The following SYCP2L variants were observed in gnomAD, a reference collection of about 807,000 sequenced individuals.
The protein encoded by SYCP2L is synaptonemal complex protein 2-like.
A neutral mutation model predicts 125.8 loss-of-function variants in SYCP2L; 98 were observed. The observed-to-expected ratio is 0.78, with a 90% CI of 0.66 to 0.92. The LOEUF is 0.92. Ranked by LOEUF, SYCP2L falls within the 40% of genes least tolerant of loss-of-function variation. The pLI is 0.00. For missense variants in SYCP2L, 842 were observed against 936.4 expected, an observed-to-expected ratio of 0.90 and a Z score of 1.32; for synonymous variants, 317 against 325.4, an observed-to-expected ratio of 0.97 and a Z score of 0.28.
rs989258602 is a variant in SYCP2L, at chr6:10,942,338, G to A, written c.1814-121G>A. ...CGAAAGACACAGTCAGTAGATTTTT[G>A]TTTCACTTAGAACTGTGTTCCTTTT... On this transcript the variant is annotated intron_variant, in intron 21 of 29. Transcript: ENST00000283141. 5 of 649,282 alleles carry A rather than the reference G, an allele frequency of 7.7e-6. No individual in the cohort carries two copies. The Admixed American group carries it at 1.5e-4, about 19-fold the overall frequency. The allele number at this position is 649,282 out of a possible 1,614,324, so 40.2% of individuals were successfully genotyped here. A position where few individuals can be genotyped will look rare whatever the true frequency, so the allele number is the denominator to read the frequency against.
intron 14 of SYCP2L, among the ~76,000 whole-genome samples, chr6:10,917,802 T>A (rs539261333): frequency 6.6e-6 from 1 of 152,324 alleles, no homozygotes. Context: ...GATTCAAGAT[T>A]TAGAGCTCCT....
At chr6:10,932,894 C>T (rs1389614182) in intron 20 of SYCP2L, among the ~76,000 whole-genome samples, 1 of 152,172 alleles carries the variant, frequency 6.6e-6, no homozygotes, top group Non-Finnish European at 1.5e-5. Context: ...GCTGGGATTA[C>T]AGGCGTCTGC....
At chr6:10,919,253 G>A (rs1780747353) in intron 14 of SYCP2L, among the ~76,000 whole-genome samples, 1 of 152,144 alleles carries the variant, frequency 6.6e-6, no homozygotes, top group Non-Finnish European at 1.5e-5. Flanking sequence ...AGATTCTTTT[G>A]TCCCATGGGG....
chr6:10,899,960 A>G (rs1780349658), intron 6 of SYCP2L, among the ~76,000 whole-genome samples: 1 of 152,246 alleles, frequency 6.6e-6, no homozygotes, highest in East Asian at 1.9e-4. Flanking sequence ...GCTTTGTATT[A>G]ATCCCAACAA....
At chr6:10,945,901 G>A (rs938230554) in intron 23 of SYCP2L, among the ~76,000 whole-genome samples, 1 of 151,572 alleles carries the variant, frequency 6.6e-6, no homozygotes, top group Non-Finnish European at 1.5e-5. Flanking sequence ...ATCTAGTCAT[G>A]TTTTTGTCTT....
chr6:10,924,751 G>T, intron 15 of SYCP2L, 110 bp downstream of exon 15: 1 of 1,086,518 alleles, frequency 9.2e-7, no homozygotes, highest in Non-Finnish European at 1.2e-6. Flanking sequence ...CAGAAAACCT[G>T]GTCTTTCAAA....
chr6:10,942,585 C>A (rs1781243588), intron 22 of SYCP2L, 56 bp downstream of exon 22: 1 of 1,572,396 alleles, frequency 6.4e-7, no homozygotes, highest in African/African-American at 1.4e-5. Flanking sequence ...ATCATATTTG[C>A]ATAACACATT....
At chr6:10,911,302 T>C (rs574698195) in intron 12 of SYCP2L, among the ~76,000 whole-genome samples, 226 of 152,286 alleles carry the variant, frequency 1.5e-3, no homozygotes, top group Admixed American at 2.6e-3. Flanking sequence ...TTGCACTTTA[T>C]AGTCCAAGGT....
Position 10,935,042 on chromosome 6 carries a change from A to G in SYCP2L, c.1684-16A>G. 3 of 1,570,904 alleles carry G rather than the reference A, an allele frequency of 1.9e-6. No homozygotes were observed. The highest frequency in any genetic ancestry group is 2.6e-6 in the Non-Finnish European group (3 of 1,163,470). On this transcript the variant is annotated splice_polypyrimidine_tract_variant and intron_variant, in intron 20 of 29. Transcript: ENST00000283141. Reference sequence around the variant, plus strand: ...AATTATGAATGTTAACACTTAAAAAAGATACTATATTTTAGGCTAAGCTTC... The same window carrying G: ...AATTATGAATGTTAACACTTAAAAAGGATACTATATTTTAGGCTAAGCTTC...
chr6:10,973,182 G>A (rs1173121717), intron 29 of SYCP2L, among the ~76,000 whole-genome samples: 1 of 152,182 alleles, frequency 6.6e-6, no homozygotes, highest in East Asian at 1.9e-4. Flanking sequence ...TGGGATGGGA[G>A]AATCTGTTCC....
chr6:10,956,127 G>C lies in SYCP2L; in HGVS notation c.2057-9G>C, dbSNP rs1343759223. 6.2e-7 allele frequency: 1 copy of C among 1,608,032 alleles called. No homozygotes were observed. The highest frequency in any genetic ancestry group is 1.1e-5 in the South Asian group (1 of 90,802). The stretch of plus-strand genomic sequence containing the variant: ...TAGTTTTATTCCATGTTTTGTTTTT[G>C]TTTTCCAGAAGGAATTTCCACTTCA... On this transcript the variant is annotated splice_polypyrimidine_tract_variant and intron_variant, in intron 24 of 29. Coordinates refer to ENST00000283141, the MANE Select transcript of SYCP2L (RefSeq NM_001040274.3).
At chr6:10,949,550 A>G (rs1003871357) in intron 23 of SYCP2L, among the ~76,000 whole-genome samples, 16 of 152,144 alleles carry the variant, frequency 1.1e-4, no homozygotes, top group African/African-American at 3.4e-4. Context: ...TCCAAATTTC[A>G]TAAGTGTTCT....
intron 14 of SYCP2L, among the ~76,000 whole-genome samples, chr6:10,923,294 T>C (rs1225759): frequency 0.18 from 27,222 of 151,998 alleles, 2,614 homozygotes; most frequent in Middle Eastern, 0.3. Context: ...TAAGCCATTT[T>C]CTCTTGTAAG....
intron 23 of SYCP2L, among the ~76,000 whole-genome samples, chr6:10,950,909 C>G (rs1781399424): frequency 6.6e-6 from 1 of 152,134 alleles, no homozygotes; most frequent in African/African-American, 2.4e-5. Flanking sequence ...AATCTGTCAC[C>G]TCAGCCTCCC....
At chr6:10,924,669 T>G (rs763690156) in intron 15 of SYCP2L, 28 bp downstream of exon 15, 2 of 1,489,428 alleles carry the variant, frequency 1.3e-6, no homozygotes, top group South Asian at 1.4e-5. Context: ...TTTGGATTAT[T>G]TAAAAATGTT....
intron 15 of SYCP2L, among the ~76,000 whole-genome samples, chr6:10,925,928 T>C (rs933905036): frequency 2.6e-5 from 4 of 152,276 alleles, no homozygotes; most frequent in Middle Eastern, 3.4e-3. Context: ...GTGATAAAGC[T>C]GTAGTTCCTA....
rs777419781 is a variant in SYCP2L at position 10,927,323 on chromosome 6, C to G, written c.1396C>G (p.Gln466Glu). Reference sequence around the variant, plus strand: ...CCTAATAACTCTCCACTTAAATGACCAATCTGAGCCACCTGTTATTGGGGA... The same window carrying G: ...CCTAATAACTCTCCACTTAAATGACGAATCTGAGCCACCTGTTATTGGGGA... ...RCLITLHLND[Q>E]SEPPVIGEPA... The change falls in exon 17 of 30, where the codon CAA becomes GAA. Residue 466 changes from glutamine (Q) to glutamate (E), a missense_variant. Transcript: ENST00000283141. 5.6e-6 allele frequency: 9 copies of G among 1,614,064 alleles called. No individual in the cohort carries two copies. In the South Asian group the frequency reaches 9.9e-5, roughly 18 times the overall value.
Position 10,902,892 on chromosome 6 carries a change from C to T in SYCP2L, c.570C>T (p.Asn190=), listed in dbSNP as rs757695405. 7.4e-6 allele frequency: 12 copies of T among 1,614,072 alleles called. No individual in the cohort carries two copies. Among genetic ancestry groups the T allele is most frequent in the Admixed American group, 1.7e-5 (1 of 60,006 alleles). Residue 190 remains asparagine (N), a synonymous_variant, in exon 8 of 30, where the codon AAC becomes AAT. Transcript: ENST00000283141. The part of the protein sequence containing the change: ...LLQQEGLKTF[N]CILHAVPREE... ...CCAAAAAGGGCTTGAAGACTTTTAA[C>T]TGCATTTTGCACGCTGTCCCTCGAG...
intron 4 of SYCP2L, among the ~76,000 whole-genome samples, chr6:10,895,860 T>C (rs1001630342): frequency 9.2e-5 from 14 of 151,546 alleles, no homozygotes; most frequent in African/African-American, 3.4e-4. Flanking sequence ...TTCTACTACA[T>C]AGAATAAGAA....
Sources: allele counts gnomAD v4.1 joint callset (sites outside exome capture counted in the v4.1 genomes callset), GRCh38; gene constraint gnomAD v4.1.1; transcripts MANE v1.5; gene names NCBI Gene and HGNC (gene_info 2026-07-23, HGNC 2026-07-21).